Variants in TUT4 observed in about 807,000 individuals in gnomAD.
TUT4 encodes the protein terminal uridylyltransferase 4.
A neutral mutation model predicts 192.2 loss-of-function variants in TUT4; 36 were observed. The ratio of observed to expected loss-of-function variants is 0.19; its 90% CI spans 0.14 to 0.25. The LOEUF (loss-of-function observed/expected upper bound fraction) is 0.25. TUT4 is among the 10% of genes least tolerant of loss of function. TUT4 has a pLI of 1.00. For synonymous variants in TUT4, 618 were observed against 666.0 expected, an observed-to-expected ratio of 0.93 and a Z score of 1.11; for missense variants, 1,493 against 1,957.2, an observed-to-expected ratio of 0.76 and a Z score of 4.47.
At chr1:52,463,594 A>G (rs771378068) in intron 16 of TUT4, 222 of 1,277,420 alleles carry the variant, frequency 1.7e-4, no homozygotes, top group Non-Finnish European at 2.2e-4. Flanking sequence ...CCTCACCCCA[A>G]TCTTGCAAAC....
rs765849486 is a variant in TUT4 at position 52,482,901 on chromosome 1, T to C, written c.1516-978A>G. 3.3e-4 allele frequency among the ~76,000 whole-genome samples: 51 copies of C among 152,366 alleles called. No homozygotes were observed. The Middle Eastern group carries it at 0.01, about 30-fold the overall frequency. On this transcript the variant is annotated intron_variant, in intron 9 of 29. Transcript: ENST00000257177. ...TCCTAAGTATTGGTGCTTATTTCTA[T>C]GAGCTGTATGCCTAGGAATGTTTGT...
intron 17 of TUT4, 43 bp downstream of exon 17, chr1:52,461,669 A>C (rs1557722563): frequency 3.2e-6 from 5 of 1,550,778 alleles, no homozygotes; most frequent in Non-Finnish European, 4.4e-6. Context: ...ATATATGCTA[A>C]AAAAATTTAT....
chr1:52,443,395 T>C (rs1454070544), intron 24 of TUT4, among the ~76,000 whole-genome samples: 5 of 151,530 alleles, frequency 3.3e-5, no homozygotes, highest in Non-Finnish European at 5.9e-5. Context: ...AACACCAACC[T>C]GACCAGCATG....
At chr1:52,474,193 G>C (rs866688459) in intron 13 of TUT4, among the ~76,000 whole-genome samples, 1 of 152,198 alleles carries the variant, frequency 6.6e-6, no homozygotes, top group African/African-American at 2.4e-5. Flanking sequence ...GGGCAACAGA[G>C]CCAGACCTTG....
intron 1 of TUT4, among the ~76,000 whole-genome samples, chr1:52,533,481 C>T (rs1048986256): frequency 2.6e-5 from 4 of 152,130 alleles, no homozygotes; most frequent in Non-Finnish European, 4.4e-5. Flanking sequence ...GCTGTTCTCT[C>T]CTTGGATATC....
chr1:52,526,452 AT>A, intron 1 of TUT4, 79 bp from the exon 2 acceptor site: 1 of 485,328 alleles, frequency 2.1e-6, no homozygotes, highest in South Asian at 9.9e-5. Context: ...TTAAAAAACA[AT>A]TTTTTAAACT....
At chr1:52,524,634 C>T (rs959676731) in intron 2 of TUT4, among the ~76,000 whole-genome samples, 4 of 152,006 alleles carry the variant, frequency 2.6e-5, no homozygotes, top group African/African-American at 9.7e-5. Context: ...GGTGAAATCC[C>T]GTCTCTACTA....
chr1:52,483,707 G>C (rs2148994581), intron 9 of TUT4, among the ~76,000 whole-genome samples: 1 of 151,918 alleles, frequency 6.6e-6, no homozygotes, highest in East Asian at 1.9e-4. Context: ...CTACTCGGGA[G>C]GCTGAGACAG....
At chr1:52,444,251 T>C (rs1656675925) in intron 24 of TUT4, among the ~76,000 whole-genome samples, 1 of 152,160 alleles carries the variant, frequency 6.6e-6, no homozygotes, top group Non-Finnish European at 1.5e-5. Flanking sequence ...AAAAAAAAAT[T>C]GTTTGGTTTT....
In TUT4 at chr1:52,493,802, GTT is replaced by G. The variant is rs933451657; in HGVS notation, c.1267-142_1267-141del. On this transcript the variant is annotated intron_variant, in intron 6 of 29. Transcript: ENST00000257177. ...TTTTAAATAGTGAAAACAGAATCGT[GTT>G]TTTTTTTTGTTTTTTTTTGAGATGA... The G allele has an allele frequency of 3.4e-5, 18 of 532,552 alleles. No homozygotes were observed. The East Asian group carries it at 5.8e-4, about 17-fold the overall frequency. The allele number at this position is 532,552 out of a possible 1,614,324, so 33.0% of individuals were successfully genotyped here. A position where few individuals can be genotyped will look rare whatever the true frequency, so the allele number is the denominator to read the frequency against.
At chr1:52,478,827 T>C (rs1346686917) in intron 11 of TUT4, among the ~76,000 whole-genome samples, 2 of 152,152 alleles carry the variant, frequency 1.3e-5, no homozygotes, top group Admixed American at 6.5e-5. Flanking sequence ...TTTACAACTA[T>C]TCATTGAGTG....
At chr1:52,460,669 C>T (rs1379099197) in intron 19 of TUT4, among the ~76,000 whole-genome samples, 1 of 152,146 alleles carries the variant, frequency 6.6e-6, no homozygotes, top group Non-Finnish European at 1.5e-5. Flanking sequence ...ACAGAGGTTC[C>T]TGTTCTCACC....
At chr1:52,515,754 G>T in intron 3 of TUT4, 137 bp downstream of exon 3, 1 of 940,214 alleles carries the variant, frequency 1.1e-6, no homozygotes, top group Non-Finnish European at 1.6e-6. Context: ...AAGAAGAAAG[G>T]TAGAGAAGAG....
chr1:52,437,434 A>G (rs1408979666), intron 25 of TUT4: 2 of 154,550 alleles, frequency 1.3e-5, no homozygotes, highest in Non-Finnish European at 2.9e-5. Flanking sequence ...CTGGGAGACT[A>G]TAATTCGTAG....
At chr1:52,453,172 A>AT (rs896637794) in intron 20 of TUT4, among the ~76,000 whole-genome samples, 1 of 151,992 alleles carries the variant, frequency 6.6e-6, no homozygotes, top group Non-Finnish European at 1.5e-5. Flanking sequence ...ATCACCTGAC[A>AT]TAAGGAGTTC....
intron 16 of TUT4, chr1:52,463,581 G>C (rs1368647527): frequency 1.6e-6 from 2 of 1,260,446 alleles, no homozygotes; most frequent in Non-Finnish European, 1.0e-6. Context: ...GCCAGAAGCT[G>C]GGCCTCACCC....
intron 12 of TUT4, 79 bp from the exon 13 acceptor site, chr1:52,475,614 C>T: frequency 7.9e-7 from 1 of 1,259,974 alleles, no homozygotes; most frequent in Non-Finnish European, 1.1e-6. Context: ...TAGATCTTAA[C>T]TGATAAACTG....
At chr1:52,486,015 G>T (rs1180128921) in intron 9 of TUT4, among the ~76,000 whole-genome samples, 5 of 151,968 alleles carry the variant, frequency 3.3e-5, no homozygotes, top group Admixed American at 6.6e-5. Flanking sequence ...AAAAACACTT[G>T]TCAAAAAAGA....
chr1:52,464,250 TA>T (rs1663436137), intron 16 of TUT4, among the ~76,000 whole-genome samples: 1 of 152,088 alleles, frequency 6.6e-6, no homozygotes, highest in African/African-American at 2.4e-5. Context: ...GCATTTTATT[TA>T]TTTATTTTTT....
Sources: allele counts gnomAD v4.1 joint callset (sites outside exome capture counted in the v4.1 genomes callset), GRCh38; gene constraint gnomAD v4.1.1; transcripts MANE v1.5; gene names NCBI Gene and HGNC (gene_info 2026-07-23, HGNC 2026-07-21).